Variants in PATJ observed in about 807,000 individuals in gnomAD.
PATJ encodes the protein inaD-like protein.
Under a neutral mutation model 224.9 loss-of-function variants are expected in PATJ, and 190 were observed. That is an observed-to-expected ratio of 0.84 (90% CI 0.75 to 0.95). The LOEUF is 0.95. PATJ is among the 40% of genes least tolerant of loss of function. PATJ has a pLI of 0.00. For synonymous variants in PATJ, 769 were observed against 820.3 expected, an observed-to-expected ratio of 0.94 and a Z score of 1.07; for missense variants, 2,121 against 2,270.3, an observed-to-expected ratio of 0.93 and a Z score of 1.34.
chr1:62,039,891 C>T (rs183424053), intron 30 of PATJ, among the ~76,000 whole-genome samples: 21 of 151,996 alleles, frequency 1.4e-4, no homozygotes, highest in African/African-American at 5.1e-4. Flanking sequence ...GCCAAAAACT[C>T]GCCAGGTGGG....
At chr1:61,933,824 C>T (rs537599390) in intron 27 of PATJ, among the ~76,000 whole-genome samples, 1 of 152,350 alleles carries the variant, frequency 6.6e-6, no homozygotes, top group East Asian at 1.9e-4. Flanking sequence ...CTCCCATCCC[C>T]CAACCCTAAA....
At chr1:61,880,245 A>T (rs918707911) in intron 21 of PATJ, among the ~76,000 whole-genome samples, 1 of 152,230 alleles carries the variant, frequency 6.6e-6, no homozygotes. Flanking sequence ...GCTAGCTCCC[A>T]AGAATAGGAA....
chr1:62,023,083 A>T (rs1051158470), intron 29 of PATJ, among the ~76,000 whole-genome samples: 2 of 152,164 alleles, frequency 1.3e-5, no homozygotes, highest in Non-Finnish European at 2.9e-5. Context: ...TGAGGTCAGG[A>T]GTTCCAGACC....
chr1:62,050,534 G>A (rs1477643618), intron 30 of PATJ, among the ~76,000 whole-genome samples: 1 of 152,234 alleles, frequency 6.6e-6, no homozygotes, highest in Non-Finnish European at 1.5e-5. Flanking sequence ...ATGCTCTCTT[G>A]TTAATTTGGG....
chr1:61,933,539 C>CA (rs796818712), intron 27 of PATJ, among the ~76,000 whole-genome samples: 4,721 of 71,332 alleles, frequency 0.066, 160 homozygotes, highest in African/African-American at 0.13. Context: ...GACTCCATCT[C>CA]AAAAAAAAAA....
At chr1:62,087,873 A>G (rs1660213753) in intron 33 of PATJ, among the ~76,000 whole-genome samples, 1 of 149,640 alleles carries the variant, frequency 6.7e-6, no homozygotes, top group African/African-American at 2.5e-5. Context: ...TTCTAATCGT[A>G]TTTTTAATAA....
chr1:61,938,171 C>T (rs1677180120), intron 27 of PATJ, among the ~76,000 whole-genome samples: 5 of 152,134 alleles, frequency 3.3e-5, no homozygotes, highest in Admixed American at 3.3e-4. Flanking sequence ...TCCCACTCAC[C>T]ACAGTTATAA....
At chr1:61,820,748 T>G (rs1657093212) in intron 14 of PATJ, among the ~76,000 whole-genome samples, 1 of 152,248 alleles carries the variant, frequency 6.6e-6, no homozygotes. Flanking sequence ...CAAGCCAGTA[T>G]AAGACCCAGC....
chr1:62,103,323 C>T (rs1321248120), intron 33 of PATJ, among the ~76,000 whole-genome samples: 3 of 152,244 alleles, frequency 2.0e-5, no homozygotes, highest in African/African-American at 4.8e-5. Flanking sequence ...TATGAGCTTT[C>T]GTTTCCTCAG....
At chr1:61,993,704 G>C (rs550206507) in intron 28 of PATJ, among the ~76,000 whole-genome samples, 74 of 152,166 alleles carry the variant, frequency 4.9e-4, no homozygotes, top group Non-Finnish European at 7.9e-4. Flanking sequence ...AAATTCCAAG[G>C]GTTTTAGGAG....
At chr1:62,027,022 A>G (rs1350432789) in intron 29 of PATJ, among the ~76,000 whole-genome samples, 1 of 152,232 alleles carries the variant, frequency 6.6e-6, no homozygotes, top group Non-Finnish European at 1.5e-5. Context: ...GTTCAGTGGC[A>G]TGAAGTACAT....
At chr1:61,791,834 A>G (rs1449760722) in intron 9 of PATJ, among the ~76,000 whole-genome samples, 1 of 152,094 alleles carries the variant, frequency 6.6e-6, no homozygotes, top group Non-Finnish European at 1.5e-5. Flanking sequence ...GTGTTTTATC[A>G]CTAAAAAAAA....
chr1:62,004,562 T>G (rs72677920), intron 28 of PATJ, among the ~76,000 whole-genome samples: 22,186 of 152,100 alleles, frequency 0.15, 1,982 homozygotes, highest in Non-Finnish European at 0.21. Flanking sequence ...ATTTTGGCTA[T>G]AAGTTCTGAT....
chr1:62,005,009 T>C (rs1018400537), intron 28 of PATJ, among the ~76,000 whole-genome samples: 1 of 152,232 alleles, frequency 6.6e-6, no homozygotes, highest in Admixed American at 6.5e-5. Context: ...CTCTGTTTAA[T>C]ACCACAGTTT....
chr1:62,066,384 G>A lies in PATJ; in HGVS notation c.4126-13066G>A, dbSNP rs573938116. Among the ~76,000 whole-genome samples, 272 of 149,612 alleles carry A rather than the reference G, an allele frequency of 1.8e-3. 1 individual carries two copies. Among genetic ancestry groups the A allele is most frequent in the African/African-American group, 6.7e-3 (263 of 39,462 alleles). On this transcript the variant is annotated intron_variant, in intron 31 of 43. Coordinates refer to ENST00000642238, the MANE Select transcript of PATJ (RefSeq NM_001350145.3). ...TGAAGGACAAGGTAACGTGCTGTGG[G>A]AACTTTTTTTTTTTTTTGAGACAGG...
Position 61,927,725 on chromosome 1 carries a change from T to C in PATJ, c.3571-5T>C. On this transcript the variant is annotated splice_region_variant and splice_polypyrimidine_tract_variant and intron_variant, in intron 26 of 43. Transcript: ENST00000642238. ...TAACCCTTCTCTCAAATTTTGCATC[T>C]TCAGAGGCAAGGAACTGCTCCACCG... The C allele has an allele frequency of 1.2e-6, 2 of 1,606,636 alleles. No homozygotes were observed. The highest frequency in any genetic ancestry group is 1.7e-6 in the Non-Finnish European group (2 of 1,175,424).
rs1333614922 is a variant in PATJ at position 61,784,429 on chromosome 1, TC to T, written c.850-3324del. On this transcript the variant is annotated intron_variant, in intron 7 of 43. Transcript: ENST00000642238. ...TGTCATTTTGGTGTCTTTCTATCAA[TC>T]TGACTAATGACTATTTTTGTACTTA... 2.0e-4 allele frequency among the ~76,000 whole-genome samples: 31 copies of T among 152,366 alleles called. 1 individual carries two copies. The East Asian group carries it at 4.2e-3, about 21-fold the overall frequency.
At chr1:61,853,539 C>T (rs903203847) in intron 17 of PATJ, among the ~76,000 whole-genome samples, 2 of 152,090 alleles carry the variant, frequency 1.3e-5, no homozygotes, top group Non-Finnish European at 2.9e-5. Context: ...CCTTCTCCCC[C>T]CAATAAAAAA....
At chr1:61,812,036 G>A (rs999325052) in intron 14 of PATJ, among the ~76,000 whole-genome samples, 2 of 151,698 alleles carry the variant, frequency 1.3e-5, no homozygotes, top group Non-Finnish European at 2.9e-5. Flanking sequence ...ACTCCAGCCT[G>A]GGCGACAGAG....
Sources: gnomAD v4.1 joint callset for allele counts (sites outside exome capture counted in the v4.1 genomes callset) on GRCh38, gnomAD v4.1.1 for gene constraint, MANE v1.5 for transcripts, NCBI Gene and HGNC (gene_info 2026-07-23, HGNC 2026-07-21) for gene names.